ANKS3: variants seen among roughly 807,000 people sequenced by gnomAD.
ANKS3 encodes the protein ankyrin repeat and SAM domain-containing protein 3.
ANKS3 carries 62 observed loss-of-function variants against 80.7 expected under a neutral mutation model. The observed-to-expected ratio is 0.77, with a 90% confidence interval of 0.63 to 0.95. ANKS3 has a LOEUF of 0.95. Among genes scored for constraint, ANKS3 ranks in the 40% least tolerant of loss-of-function variants. The pLI is 0.00. For synonymous variants in ANKS3, 489 were observed against 355.3 expected (o/e 1.38, Z -4.23); for missense variants, 1,150 against 883.6 (o/e 1.30, Z -3.82).
intron 7 of ANKS3, among the ~76,000 whole-genome samples, chr16:4,707,065 C>A (rs1252365772): frequency 3.9e-5 from 6 of 152,152 alleles, no homozygotes; most frequent in African/African-American, 9.7e-5. Context: ...GGAGACTGTG[C>A]TTCCATCCAA....
intron 7 of ANKS3, among the ~76,000 whole-genome samples, chr16:4,711,667 A>G (rs956609635): frequency 1.3e-4 from 19 of 150,894 alleles, no homozygotes; most frequent in Non-Finnish European, 2.1e-4. Context: ...GCGGTGAGTC[A>G]AGATCGAGCC....
chr16:4,714,789 T>G, intron 6 of ANKS3, among the ~76,000 whole-genome samples: 1 of 150,732 alleles, frequency 6.6e-6, no homozygotes, highest in East Asian at 2.0e-4. Context: ...GTCAGGAGAT[T>G]GAGACCATCC....
Position 4,696,782 on chromosome 16 carries a change from G to T in ANKS3, c.*126C>A, listed in dbSNP as rs2306769. ...CCTCTGTCTGCCGGCTGCTCCCGGG[G>T]CCTGATCCTCTGGCCCCCACTGGGC... On this transcript the variant is annotated 3_prime_UTR_variant, in exon 18 of 18. Coordinates refer to ENST00000304283, the MANE Select transcript of ANKS3 (RefSeq NM_133450.4). 3,052 of 578,062 alleles carry T rather than the reference G, an allele frequency of 5.3e-3. 20 individuals are homozygous for T. The highest frequency in any genetic ancestry group is 7.1e-3 in the East Asian group (245 of 34,614). The allele number at this position is 578,062 out of a possible 1,614,324, so 35.8% of individuals were successfully genotyped here.
intron 6 of ANKS3, among the ~76,000 whole-genome samples, chr16:4,715,448 T>C (rs1348085422): frequency 6.6e-6 from 1 of 152,088 alleles, no homozygotes; most frequent in Non-Finnish European, 1.5e-5. Flanking sequence ...AATAAAAAAT[T>C]AGCAGGGTGT....
At chr16:4,732,235 T>G (rs1284542833) in intron 1 of ANKS3, among the ~76,000 whole-genome samples, 1 of 152,064 alleles carries the variant, frequency 6.6e-6, no homozygotes, top group African/African-American at 2.4e-5. Context: ...CAGGTGAGAA[T>G]CCCACCCTAA....
chr16:4,723,329 T>C (rs1567426763), intron 6 of ANKS3, among the ~76,000 whole-genome samples: 1 of 152,230 alleles, frequency 6.6e-6, no homozygotes, highest in South Asian at 2.1e-4. Context: ...CTATTTTCTG[T>C]CTATGTATTT....
Position 4,724,829 on chromosome 16 carries a change from T to C in ANKS3, c.494A>G (p.Glu165Gly). 6.2e-7 allele frequency: 1 copy of C among 1,613,860 alleles called. No homozygotes were observed. The highest frequency in any genetic ancestry group is 1.1e-5 in the South Asian group (1 of 91,022). ...LDSGANANVREPICGFTPLME... is the reference protein window; with the variant it reads ...LDSGANANVRGPICGFTPLME... ...CAAGGGAGTAAATCCACATATCGGCTCCCTGCAAGATGTGGGCCACAGTCA... is the reference window on the plus strand; with the variant it reads ...CAAGGGAGTAAATCCACATATCGGCCCCCTGCAAGATGTGGGCCACAGTCA... Residue 165 changes from glutamate to glycine, a missense_variant and splice_region_variant, in exon 6 of 18, where the codon GAG becomes GGG. Transcript: ENST00000304283.
intron 3 of ANKS3, 39 bp downstream of exon 3, chr16:4,729,941 T>G (rs2081536110): frequency 1.4e-6 from 2 of 1,444,566 alleles, no homozygotes; most frequent in Admixed American, 2.2e-5. Context: ...ATCACTGCGC[T>G]GCTCAAAATG....
At chr16:4,721,001 T>TA (rs1403888785) in intron 6 of ANKS3, among the ~76,000 whole-genome samples, 2,247 of 68,506 alleles carry the variant, frequency 0.033, 45 homozygotes, top group African/African-American at 0.087. Flanking sequence ...CATGCCACCA[T>TA]AAAAAAAAAA....
chr16:4,723,005 C>A (rs1596440810), intron 6 of ANKS3, among the ~76,000 whole-genome samples: 1 of 152,044 alleles, frequency 6.6e-6, no homozygotes, highest in African/African-American at 2.4e-5. Flanking sequence ...AATTCACCCG[C>A]CAGATTGACA....
At position 4,724,942 on chromosome 16, in the gene ANKS3, G is replaced by A. The variant is rs371795663; in HGVS notation, c.492-111C>T. The A allele has an allele frequency of 6.4e-4, 505 of 794,872 alleles. 4 individuals are homozygous for A. Among genetic ancestry groups the A allele is most frequent in the South Asian group, 5.4e-3 (318 of 59,432 alleles). 49.2% of individuals were successfully genotyped at this position (794,872 alleles called of 1,614,324 possible). ...GTGCACGAGTCACCGATCCCTAAGC[G>A]TAGAACACTGTCCCTTTCCAGAATT... On this transcript the variant is annotated intron_variant, in intron 5 of 17. Transcript: ENST00000304283.
chr16:4,706,377 C>G (rs1306348274), intron 7 of ANKS3, among the ~76,000 whole-genome samples: 4 of 151,602 alleles, frequency 2.6e-5, no homozygotes, highest in Non-Finnish European at 4.4e-5. Flanking sequence ...ACTACAGGCA[C>G]CCGGCCACCA....
Position 4,705,178 on chromosome 16 carries a change from C to G in ANKS3, c.785G>C (p.Gly262Ala), listed in dbSNP as rs201941428. 5 of 1,613,910 alleles carry G rather than the reference C, an allele frequency of 3.1e-6. No individual in the cohort carries two copies. The East Asian group carries it at 8.9e-5, about 29-fold the overall frequency. Residue 262 changes from glycine to alanine, a missense_variant, in exon 8 of 18, where the codon GGT becomes GCT. Transcript: ENST00000304283. ...PQRQRPCRKK[G>A]VSIHEGPRAL... ...TCGCGGTCCCTCGTGGATGCTGACA[C>G]CCTTCTTCCGGCAAGGCCTCTGTCT...
chr16:4,723,637 C>A (rs191872467), intron 6 of ANKS3, among the ~76,000 whole-genome samples: 1 of 152,338 alleles, frequency 6.6e-6, no homozygotes, highest in East Asian at 1.9e-4. Flanking sequence ...AGCAGTACTG[C>A]ATTACTTTGT....
intron 7 of ANKS3, among the ~76,000 whole-genome samples, chr16:4,709,840 G>A (rs577149660): frequency 1.4e-4 from 22 of 151,976 alleles, no homozygotes; most frequent in South Asian, 8.3e-4. Context: ...GCAAGACCCC[G>A]TCTCTACAAA....
chr16:4,728,340 A>G (rs1387171525), intron 3 of ANKS3, among the ~76,000 whole-genome samples: 1 of 152,108 alleles, frequency 6.6e-6, no homozygotes, highest in Non-Finnish European at 1.5e-5. Flanking sequence ...CACCGCGCCC[A>G]GCCGGGATTC....
At chr16:4,704,424 A>G (rs2080078842) in intron 8 of ANKS3, among the ~76,000 whole-genome samples, 1 of 152,166 alleles carries the variant, frequency 6.6e-6, no homozygotes, top group Admixed American at 6.5e-5. Flanking sequence ...AAAGGAAGAC[A>G]TAACTCACAC....
At chr16:4,729,926 A>G in intron 3 of ANKS3, 54 bp downstream of exon 3, 2 of 1,393,722 alleles carry the variant, frequency 1.4e-6, no homozygotes, top group Non-Finnish European at 1.9e-6. Flanking sequence ...CGTGGGATCG[A>G]AGCCATCACT....
rs774009594 is a variant in ANKS3, at chr16:4,697,017, C to A, written c.*11G>T. On this transcript the variant is annotated splice_region_variant and 3_prime_UTR_variant, in exon 17 of 18. Transcript: ENST00000304283. Reference sequence around the variant, plus strand: ...GGGATCCAGGCTGGCAGACACTCACCGGCCCGCAGGCTAGGTCTCCCGCCA... The same window carrying A: ...GGGATCCAGGCTGGCAGACACTCACAGGCCCGCAGGCTAGGTCTCCCGCCA... The A allele has an allele frequency of 6.2e-7, 1 of 1,611,438 alleles. No homozygotes were observed. Among genetic ancestry groups the A allele is most frequent in the Non-Finnish European group, 8.5e-7 (1 of 1,179,202 alleles).
Sources: allele counts gnomAD v4.1 joint callset (sites outside exome capture counted in the v4.1 genomes callset), GRCh38; gene constraint gnomAD v4.1.1; transcripts MANE v1.5; gene names NCBI Gene and HGNC (gene_info 2026-07-23, HGNC 2026-07-21).